Variants in DLG2 observed in about 807,000 individuals in gnomAD.
The protein encoded by DLG2 is discs large MAGUK scaffold protein 2, also known as disks large homolog 2.
In DLG2, 45 loss-of-function variants were observed where a neutral mutation model predicts 132.5. The ratio of observed to expected loss-of-function variants is 0.34; its 90% CI spans 0.27 to 0.44. The LOEUF is 0.44. Ranked by LOEUF, DLG2 falls within the 20% of genes least tolerant of loss-of-function variation. The pLI, the probability that DLG2 is intolerant of heterozygous loss-of-function variation, is 1.00. For missense variants in DLG2, 1,045 were observed against 1,196.9 expected, an observed-to-expected ratio of 0.87 and a Z score of 1.87; for synonymous variants, 424 against 419.6, an observed-to-expected ratio of 1.01 and a Z score of -0.13.
chr11:85,514,926 T>C (rs1368358612), intron 3 of DLG2, among the ~76,000 whole-genome samples: 2 of 151,944 alleles, frequency 1.3e-5, no homozygotes, highest in African/African-American at 4.8e-5. Context: ...GAAAATATAC[T>C]TTCGTTGTAC....
At chr11:85,001,856 G>A (rs144369668) in intron 6 of DLG2, among the ~76,000 whole-genome samples, 1 of 152,152 alleles carries the variant, frequency 6.6e-6, no homozygotes. Context: ...GGGACAAGGA[G>A]TATATGGGAA....
chr11:84,280,666 G>T (rs1335066536), intron 7 of DLG2, among the ~76,000 whole-genome samples: 4 of 151,190 alleles, frequency 2.6e-5, no homozygotes, highest in Non-Finnish European at 5.9e-5. Context: ...GACTACAGGG[G>T]TTGAACCATA....
At chr11:85,194,552 G>T (rs1321900146) in intron 4 of DLG2, among the ~76,000 whole-genome samples, 1 of 151,958 alleles carries the variant, frequency 6.6e-6, no homozygotes, top group Admixed American at 6.6e-5. Flanking sequence ...TCAGAGAGTA[G>T]AATTTCATAT....
chr11:84,556,557 G>A (rs766472124), intron 6 of DLG2, among the ~76,000 whole-genome samples: 1 of 152,128 alleles, frequency 6.6e-6, no homozygotes. Context: ...ACAGTCCCAC[G>A]ATGTTATTCA....
chr11:84,973,583 G>A (rs1165558222), intron 6 of DLG2, among the ~76,000 whole-genome samples: 1 of 152,120 alleles, frequency 6.6e-6, no homozygotes, highest in Non-Finnish European at 1.5e-5. Context: ...TTATCACTGA[G>A]GATTCACATT....
At chr11:83,551,561 C>G (rs1429333996) in intron 19 of DLG2, among the ~76,000 whole-genome samples, 1 of 152,180 alleles carries the variant, frequency 6.6e-6, no homozygotes, top group Non-Finnish European at 1.5e-5. Flanking sequence ...TGGGCAATCA[C>G]TTTGCCTGCC....
intron 5 of DLG2, chr11:85,133,107 C>T: frequency 6.6e-6 from 2 of 302,736 alleles, no homozygotes; most frequent in Non-Finnish European, 1.3e-5. Context: ...CCTGTGAGTG[C>T]CCCGCACAGT....
intron 6 of DLG2, among the ~76,000 whole-genome samples, chr11:84,650,876 T>C (rs1489078386): frequency 9.4e-5 from 6 of 63,906 alleles, no homozygotes; most frequent in African/African-American, 7.0e-4. Flanking sequence ...TGTGTGTGTA[T>C]ATATATATAT....
chr11:84,828,624 C>A (rs957097872), intron 6 of DLG2, among the ~76,000 whole-genome samples: 2 of 151,672 alleles, frequency 1.3e-5, no homozygotes, highest in African/African-American at 4.8e-5. Context: ...CCAGTGAAGC[C>A]AAAAGAATTC....
chr11:84,256,336 TG>T (rs1567086918), intron 7 of DLG2, among the ~76,000 whole-genome samples: 1 of 152,106 alleles, frequency 6.6e-6, no homozygotes, highest in Non-Finnish European at 1.5e-5. Context: ...AGCAAGGTAT[TG>T]GCAGGAAATG....
chr11:84,622,725 A>T (rs2099616073), intron 6 of DLG2, among the ~76,000 whole-genome samples: 1 of 152,190 alleles, frequency 6.6e-6, no homozygotes, highest in Admixed American at 6.5e-5. Flanking sequence ...AAAACATTAG[A>T]CATGGTCAAA....
Position 85,528,140 on chromosome 11 carries a change from T to C in DLG2, c.40+70517A>G, listed in dbSNP as rs60884062. ...TTTCTCCAAATCTCTAGGTTGCCTG[T>C]TCACTTTCATGACAGTTTCTTTTGC... On this transcript the variant is annotated intron_variant, in intron 3 of 27. Coordinates refer to ENST00000376104, the MANE Select transcript of DLG2 (RefSeq NM_001142699.3). 7.8e-3 allele frequency among the ~76,000 whole-genome samples: 1,192 copies of C among 152,374 alleles called. 17 individuals are homozygous for C. The highest frequency in any genetic ancestry group is 0.028 in the African/African-American group (1,160 of 41,592).
intron 14 of DLG2, among the ~76,000 whole-genome samples, chr11:83,931,605 T>C (rs897869700): frequency 6.6e-6 from 1 of 152,238 alleles, no homozygotes; most frequent in Non-Finnish European, 1.5e-5. Context: ...TTTATTCAGT[T>C]TCTCTTTGAA....
chr11:85,209,614 A>C, intron 4 of DLG2, among the ~76,000 whole-genome samples: 1 of 31,454 alleles, frequency 3.2e-5, no homozygotes, highest in African/African-American at 1.1e-4. Flanking sequence ...TTTTTTTTGT[A>C]TGTTCAGTAG....
Position 84,369,776 on chromosome 11 carries a change from T to TA in DLG2, c.520-118486dup, listed in dbSNP as rs548045902. 8.1e-3 allele frequency among the ~76,000 whole-genome samples: 1,235 copies of TA among 152,240 alleles called. 13 individuals are homozygous for TA. The highest frequency in any genetic ancestry group is 0.014 in the Middle Eastern group (4 of 294). ...TGAGAAACCCCAGGGTCAGATACGC[T>TA]AACAGGGAACACAGTTTGAGGATCA... On this transcript the variant is annotated intron_variant, in intron 7 of 27. Coordinates refer to ENST00000376104, the MANE Select transcript of DLG2 (RefSeq NM_001142699.3).
chr11:84,223,617 C>A (rs908362487), intron 8 of DLG2, among the ~76,000 whole-genome samples: 4 of 149,738 alleles, frequency 2.7e-5, no homozygotes, highest in Non-Finnish European at 5.9e-5. Context: ...ATTGCAGTGG[C>A]ACAATATTGG....
At position 85,551,310 on chromosome 11, in the gene DLG2, T is replaced by C. The variant is rs76160974; in HGVS notation, c.40+47347A>G. Reference sequence around the variant, plus strand: ...CAAAAGATGACCAAATATGAATATATAATCAGCAATAAACATCGAGAAAAA... The same window carrying C: ...CAAAAGATGACCAAATATGAATATACAATCAGCAATAAACATCGAGAAAAA... On this transcript the variant is annotated intron_variant, in intron 3 of 27. Transcript: ENST00000376104. 6.3e-3 allele frequency among the ~76,000 whole-genome samples: 955 copies of C among 152,280 alleles called. 62 individuals are homozygous for C. The East Asian group carries it at 0.15, about 23-fold the overall frequency.
intron 7 of DLG2, among the ~76,000 whole-genome samples, chr11:84,459,687 AT>A (rs1395805199): frequency 2.7e-5 from 4 of 150,722 alleles, no homozygotes; most frequent in Non-Finnish European, 6.0e-5. Flanking sequence ...TATTAGAGTT[AT>A]TTCTAGGTAG....
intron 4 of DLG2, among the ~76,000 whole-genome samples, chr11:85,160,638 G>A (rs575787139): frequency 5.3e-5 from 8 of 152,266 alleles, no homozygotes; most frequent in East Asian, 1.9e-4. Context: ...GTATATACAT[G>A]ATTGAGCTCA....
Sources: allele counts gnomAD v4.1 joint callset (sites outside exome capture counted in the v4.1 genomes callset), GRCh38; gene constraint gnomAD v4.1.1; transcripts MANE v1.5; gene names NCBI Gene and HGNC (gene_info 2026-07-23, HGNC 2026-07-21).